SPEN: variants seen among roughly 807,000 people sequenced by gnomAD.
SPEN encodes the protein spen family transcriptional repressor.
Under a neutral mutation model 269.9 loss-of-function variants are expected in SPEN, and 18 were observed. The observed-to-expected ratio is 0.07, with a 90% CI of 0.05 to 0.10. The LOEUF is 0.10. SPEN is among the 10% of genes least tolerant of loss of function. SPEN has a pLI of 1.00. For synonymous variants in SPEN, 1,726 were observed against 1,765.7 expected, an observed-to-expected ratio of 0.98 and a Z score of 0.56; for missense variants, 3,822 against 4,631.2, an observed-to-expected ratio of 0.83 and a Z score of 5.07.
chr1:15,853,023 A>AT (rs2070350988), intron 1 of SPEN, among the ~76,000 whole-genome samples: 1 of 151,750 alleles, frequency 6.6e-6, no homozygotes, highest in African/African-American at 2.4e-5. Context: ...CACTCGACTA[A>AT]TTTTTTATAG....
chr1:15,878,142 TA>T (rs541935138), intron 3 of SPEN, among the ~76,000 whole-genome samples: 178 of 152,054 alleles, frequency 1.2e-3, no homozygotes, highest in African/African-American at 4.0e-3. Flanking sequence ...TAGTATATGT[TA>T]AAAAAAATGC....
intron 2 of SPEN, chr1:15,874,200 G>A (rs777912580): frequency 1.5e-6 from 2 of 1,366,546 alleles, no homozygotes; most frequent in Non-Finnish European, 2.0e-6. Context: ...GGGACTACTT[G>A]CTTCCAGTGG....
intron 8 of SPEN, 81 bp from the exon 9 acceptor site, chr1:15,920,789 T>A: frequency 1.6e-6 from 1 of 634,068 alleles, no homozygotes; most frequent in Non-Finnish European, 2.7e-6. Flanking sequence ...TCCGTGTCCT[T>A]GTGGCTTAGG....
intron 1 of SPEN, among the ~76,000 whole-genome samples, chr1:15,859,100 A>G: frequency 6.6e-6 from 1 of 151,478 alleles, no homozygotes. Context: ...TTAAAGTTTG[A>G]AATAGTTTTA....
chr1:15,888,753 C>T (rs189069236), intron 3 of SPEN, among the ~76,000 whole-genome samples: 3 of 151,896 alleles, frequency 2.0e-5, no homozygotes, highest in Non-Finnish European at 4.4e-5. Context: ...CTGCCTCAGT[C>T]TTCGGAATAG....
chr1:15,873,345 T>C (rs1205600552), intron 2 of SPEN: 1 of 985,208 alleles, frequency 1.0e-6, no homozygotes, highest in African/African-American at 1.7e-5. Flanking sequence ...GGATATCTGT[T>C]CCTGAGATAT....
chr1:15,933,195 A>G lies in SPEN; in HGVS notation c.6955A>G (p.Lys2319Glu). 2 of 1,614,232 alleles carry G rather than the reference A, an allele frequency of 1.2e-6. No homozygotes were observed. The highest frequency in any genetic ancestry group is 1.3e-5 in the African/African-American group (1 of 75,060). ...SHSVPEAKGS[K>E]EVEVTLVRKD... ...CTCAGTGCCAGAAGCCAAAGGGTCTAAAGAAGTGGAAGTCACTCTTGTTCG... is the reference window on the plus strand; with the variant it reads ...CTCAGTGCCAGAAGCCAAAGGGTCTGAAGAAGTGGAAGTCACTCTTGTTCG... Residue 2319 changes from lysine to glutamate, a missense_variant, in exon 11 of 15, where the codon AAA becomes GAA. Coordinates refer to ENST00000375759, the MANE Select transcript of SPEN (RefSeq NM_015001.3). This position sits in a 1 kb window ranked among gnomAD's most constrained non-coding sequence, Gnocchi z 5.7.
intron 10 of SPEN, among the ~76,000 whole-genome samples, chr1:15,927,862 G>A (rs1329349339): frequency 6.6e-6 from 1 of 152,078 alleles, no homozygotes; most frequent in East Asian, 1.9e-4. Flanking sequence ...TATAAACTAG[G>A]TCTACAAAAT....
chr1:15,926,549 T>C (rs1335422905), intron 10 of SPEN, among the ~76,000 whole-genome samples: 1 of 152,158 alleles, frequency 6.6e-6, no homozygotes, highest in Admixed American at 6.5e-5. Flanking sequence ...GAACATCATT[T>C]AGTAGCAGCT....
chr1:15,847,767 C>G lies in SPEN; in HGVS notation c.-301C>G. 1 of 202,388 alleles carries G rather than the reference C, an allele frequency of 4.9e-6. No individual in the cohort carries two copies. Among genetic ancestry groups the G allele is most frequent in the East Asian group, 8.8e-5 (1 of 11,396 alleles). The allele number at this position is 202,388 out of a possible 1,614,324, so 12.5% of individuals were successfully genotyped here. ...GTCGTAGTCGCTGCCGCCCGTGTCC[C>G]GCTCGCCCCTCCTCCCGCTCCCCCG... On this transcript the variant is annotated 5_prime_UTR_variant, in exon 1 of 15. Transcript: ENST00000375759.
intron 10 of SPEN, 117 bp downstream of exon 10, chr1:15,922,466 G>C (rs1180975110): frequency 3.1e-6 from 2 of 645,602 alleles, no homozygotes; most frequent in Non-Finnish European, 5.2e-6. Flanking sequence ...TTCTAGAATA[G>C]AGAATGCTTC....
Position 15,874,331 on chromosome 1 carries a change from T to C in SPEN, c.404+1195T>C, listed in dbSNP as rs773807321. The C allele has an allele frequency of 5.9e-6, 8 of 1,366,412 alleles. No individual in the cohort carries two copies. In the South Asian group the frequency reaches 7.9e-5, roughly 14 times the overall value. The allele number at this position is 1,366,412 out of a possible 1,614,324, so 84.6% of individuals were successfully genotyped here. ...TAAGAGGGGCCAAAATTGGGGAAGT[T>C]ATGTTCACAATTCTCTCCCTAGATT... On this transcript the variant is annotated intron_variant, in intron 2 of 14. Coordinates refer to ENST00000375759, the MANE Select transcript of SPEN (RefSeq NM_015001.3).
At chr1:15,891,948 A>G (rs2148719348) in intron 3 of SPEN, among the ~76,000 whole-genome samples, 1 of 149,560 alleles carries the variant, frequency 6.7e-6, no homozygotes, top group Middle Eastern at 3.5e-3. Context: ...TGTTCAAATG[A>G]TATTTTGAAT....
At chr1:15,901,368 C>T (rs955656441) in intron 3 of SPEN, among the ~76,000 whole-genome samples, 6 of 150,924 alleles carry the variant, frequency 4.0e-5, no homozygotes, top group African/African-American at 9.7e-5. Context: ...ATAGGCTGGG[C>T]GTGGTGGCTC....
chr1:15,889,806 C>T (rs1222574113), intron 3 of SPEN, among the ~76,000 whole-genome samples: 3 of 152,022 alleles, frequency 2.0e-5, no homozygotes, highest in South Asian at 2.1e-4. Flanking sequence ...CTCCATCTCC[C>T]GGGTTCAAGT....
Position 15,863,782 on chromosome 1 carries a change from A to G in SPEN, c.84-9034A>G, listed in dbSNP as rs188162828. On this transcript the variant is annotated intron_variant, in intron 1 of 14. Transcript: ENST00000375759. ...CTTGAGCCTGGGAGGTTGAGGCTGCAGTGAGCCATGATTGCACCACTGCAC... is the reference window on the plus strand; with the variant it reads ...CTTGAGCCTGGGAGGTTGAGGCTGCGGTGAGCCATGATTGCACCACTGCAC... Among the ~76,000 whole-genome samples, 387 of 152,266 alleles carry G rather than the reference A, an allele frequency of 2.5e-3. 1 individual carries two copies. The highest frequency in any genetic ancestry group is 7.3e-3 in the Admixed American group (111 of 15,286).
chr1:15,934,278 A>G lies in SPEN; in HGVS notation c.8038A>G (p.Lys2680Glu). Residue 2680 changes from lysine to glutamate, a missense_variant, in exon 11 of 15, where the codon AAA becomes GAA. Lys to Glu is a moderately conservative substitution (Grantham distance 56). Around this residue, in one of 16 missense-constraint regions of SPEN, gnomAD observed 329 missense variants for 431.2 expected, o/e 0.76. Transcript: ENST00000375759. The surrounding 1 kb of genome is among the most constrained non-coding windows in gnomAD (Gnocchi z 9.2). ...CGTGAAGGGCTCAGTGACCACACTG[A>G]AAAGTTTGGTGAGCACCCCTGCTGG... Reference protein sequence around the residue: ...GPVKGSVTTLKSLVSTPAGPV... With the variant: ...GPVKGSVTTLESLVSTPAGPV... 1 of 1,614,222 alleles carries G rather than the reference A, an allele frequency of 6.2e-7. No homozygotes were observed. Among genetic ancestry groups the G allele is most frequent in the Non-Finnish European group, 8.5e-7 (1 of 1,180,036 alleles).
At chr1:15,875,597 C>T (rs550905633) in intron 2 of SPEN, among the ~76,000 whole-genome samples, 2 of 151,728 alleles carry the variant, frequency 1.3e-5, no homozygotes, top group South Asian at 2.1e-4. Flanking sequence ...AATTGGGTAC[C>T]GCTGTGCAGT....
At chr1:15,901,048 TA>T (rs1017104373) in intron 3 of SPEN, among the ~76,000 whole-genome samples, 16 of 146,946 alleles carry the variant, frequency 1.1e-4, no homozygotes, top group Admixed American at 2.7e-4. Context: ...TTTTTTGGAG[TA>T]AAAAAAAAAT....
Sources: allele counts gnomAD v4.1 joint callset (sites outside exome capture counted in the v4.1 genomes callset), GRCh38; gene constraint gnomAD v4.1.1; regional missense constraint gnomAD v4.1.1; non-coding constraint Gnocchi (gnomAD v3.1); transcripts MANE v1.5; gene names NCBI Gene and HGNC (gene_info 2026-07-23, HGNC 2026-07-21).